Variants in INSRR observed in about 807,000 individuals in gnomAD.
INSRR encodes insulin receptor-related protein.
Under a neutral mutation model 130.0 loss-of-function variants are expected in INSRR, and 114 were observed. That is an observed-to-expected ratio of 0.88 (90% CI 0.75 to 1.02). INSRR has a LOEUF of 1.02. Among genes scored for constraint, INSRR ranks in the 50% least tolerant of loss-of-function variants. INSRR has a pLI of 0.00. For missense variants in INSRR, 1,657 were observed against 1,735.2 expected (o/e 0.95, Z 0.80); for synonymous variants, 674 against 705.2 (o/e 0.96, Z 0.70).
chr1:156,846,719 G>T lies in INSRR; in HGVS notation c.1610C>A (p.Ala537Asp). 9 of 1,614,084 alleles carry T rather than the reference G, an allele frequency of 5.6e-6. No individual in the cohort carries two copies. Among genetic ancestry groups the T allele is most frequent in the Non-Finnish European group, 7.6e-6 (9 of 1,179,994 alleles). Residue 537 changes from alanine (A) to aspartate (D), a missense_variant, in exon 8 of 22, where the codon GCT becomes GAT. By Grantham distance (126) the Ala-to-Asp change is moderately radical (BLOSUM62 -2). Coordinates refer to ENST00000368195, the MANE Select transcript of INSRR (RefSeq NM_014215.3). ...QNATEHVGPD[A>D]CGTQSWNLLD... ...CAGGTTCCAGCTCTGGGTTCCACAAGCATCTGGACCCACGTGCTCTGTGGC... is the reference window on the plus strand; with the variant it reads ...CAGGTTCCAGCTCTGGGTTCCACAATCATCTGGACCCACGTGCTCTGTGGC...
intron 5 of INSRR, 95 bp downstream of exon 5, chr1:156,851,195 A>C (rs1212957364): frequency 3.5e-6 from 5 of 1,447,450 alleles, no homozygotes; most frequent in Non-Finnish European, 4.9e-6. Context: ...GTGAGTAGCA[A>C]AATTGGTTCC....
intron 5 of INSRR, 26 bp downstream of exon 5, chr1:156,851,264 G>T (rs779124058): frequency 2.5e-6 from 4 of 1,613,666 alleles, no homozygotes; most frequent in Admixed American, 3.3e-5. Context: ...GTAATAGAAG[G>T]AGCTGGTCAG....
In INSRR at chr1:156,841,758, T is replaced by A; in HGVS notation, c.3434A>T (p.Tyr1145Phe). 1 of 1,614,076 alleles carries A rather than the reference T, an allele frequency of 6.2e-7. No individual in the cohort carries two copies. The highest frequency in any genetic ancestry group is 8.5e-7 in the Non-Finnish European group (1 of 1,179,982). ...GMTRDVYETD[Y>F]YRKGGKGLLP... The stretch of plus-strand genomic sequence containing the variant: ...CAGCCCCTTCCCACCCTTGCGGTAA[T>A]AGTCTGTCTCATACACGTCCCGAGT... The change falls in exon 20 of 22, where the codon TAT becomes TTT. Residue 1145 changes from tyrosine (Y) to phenylalanine (F), a missense_variant. Tyr to Phe is a conservative substitution (Grantham distance 22). Coordinates refer to ENST00000368195, the MANE Select transcript of INSRR (RefSeq NM_014215.3).
At chr1:156,849,485 TC>T (rs1216343407) in intron 5 of INSRR, 25 bp from the exon 6 acceptor site, 1 of 1,033,922 alleles carries the variant, frequency 9.7e-7, no homozygotes, top group Admixed American at 1.9e-5. Context: ...GGGACCTTGC[TC>T]TGCGGGGAGG....
At chr1:156,841,191 G>T in intron 21 of INSRR, 87 bp from the exon 22 acceptor site, 1 of 1,090,236 alleles carries the variant, frequency 9.2e-7, no homozygotes, top group Non-Finnish European at 1.4e-6. Flanking sequence ...GTTGGTGGGA[G>T]TGGGGATCGT....
At position 156,844,701 on chromosome 1, in the gene INSRR, A is replaced by G. The variant is rs759716642; in HGVS notation, c.2574+6T>C. 6.2e-7 allele frequency: 1 copy of G among 1,614,018 alleles called. No individual in the cohort carries two copies. The highest frequency in any genetic ancestry group is 1.7e-5 in the Admixed American group (1 of 60,016). On this transcript the variant is annotated splice_donor_region_variant and intron_variant, in intron 13 of 21. Transcript: ENST00000368195. Reference sequence around the variant, plus strand: ...GGGCTGGGACGGGGGTCCCACGGGCACCTACCTCTCCCAAGCGGCGGTACT... The same window carrying G: ...GGGCTGGGACGGGGGTCCCACGGGCGCCTACCTCTCCCAAGCGGCGGTACT...
rs751415412 is a variant in INSRR at position 156,851,327 on chromosome 1, T to C, written c.1192A>G (p.Asn398Asp). The part of the protein sequence containing the change: ...FALVSLGFFK[N>D]LKLIRGDAMV... ...GCGTCTCCCCGGATTAGTTTGAGGT[T>C]CTTGAAAAAGCCCAGGGACACGAGG... Residue 398 changes from asparagine to aspartate, a missense_variant, in exon 5 of 22, where the codon AAC becomes GAC. By Grantham distance (23) the Asn-to-Asp change is conservative (BLOSUM62 1). Coordinates refer to ENST00000368195, the MANE Select transcript of INSRR (RefSeq NM_014215.3). 2 of 1,614,206 alleles carry C rather than the reference T, an allele frequency of 1.2e-6. No individual in the cohort carries two copies. The highest frequency in any genetic ancestry group is 1.1e-5 in the South Asian group (1 of 91,066).
chr1:156,845,887 C>T (rs1010722519), intron 9 of INSRR, 65 bp downstream of exon 9: 34 of 1,597,296 alleles, frequency 2.1e-5, no homozygotes, highest in Admixed American at 5.2e-5. Context: ...CCTGCCGGGG[C>T]CCTGCGCCTC....
At chr1:156,849,506 GGGGT>G in intron 5 of INSRR, 46 bp from the exon 6 acceptor site, 5 of 1,226,618 alleles carry the variant, frequency 4.1e-6, no homozygotes, top group African/African-American at 1.5e-5. Context: ...GTGGGGGCAG[GGGGT>G]GGGAAAGGGG....
In INSRR at chr1:156,845,733, C is replaced by T; in HGVS notation, c.2060G>A (p.Cys687Tyr). Residue 687 changes from cysteine to tyrosine, a missense_variant, in exon 10 of 22, where the codon TGC (cysteine) becomes TAC (tyrosine). Transcript: ENST00000368195. ...AGGAGGTGGGTGCTGGCAAGGGCAG[C>T]AGTCGGACTCCATCTCGGCCTCAGG... ...GDPEAEMESD[C>Y]CPCQHPPPGQ... 1.2e-6 allele frequency: 2 copies of T among 1,613,742 alleles called. No homozygotes were observed. Among genetic ancestry groups the T allele is most frequent in the Non-Finnish European group, 1.7e-6 (2 of 1,179,938 alleles).
intron 5 of INSRR, 90 bp from the exon 6 acceptor site, chr1:156,849,550 T>G: frequency 4.1e-6 from 4 of 985,956 alleles, no homozygotes; most frequent in East Asian, 2.6e-5. Context: ...TGGAAGGGTT[T>G]TGCTGGGCCC....
intron 15 of INSRR, 64 bp downstream of exon 15, chr1:156,844,111 G>A (rs2102856098): frequency 1.6e-6 from 2 of 1,223,622 alleles, no homozygotes; most frequent in East Asian, 2.3e-5. Context: ...ACCTCCCTTT[G>A]ACAGACTTTA....
Position 156,843,230 on chromosome 1 carries a change from T to C in INSRR, c.2900A>G (p.Tyr967Cys). 1.2e-6 allele frequency: 2 copies of C among 1,613,928 alleles called. No individual in the cohort carries two copies. The highest frequency in any genetic ancestry group is 1.7e-6 in the Non-Finnish European group (2 of 1,179,854). The part of the protein sequence containing the change: ...NPEYFSASDM[Y>C]VPDEWEVPRE... ...AGGCACCTCCCATTCATCAGGGACA[T>C]ACACTGCAAGGAGGTGGAGGGTCAC... Residue 967 changes from tyrosine to cysteine, a missense_variant, in exon 17 of 22, where the codon TAT becomes TGT. Physicochemically the swap from Tyr to Cys is radical, Grantham distance 194. Coordinates refer to ENST00000368195, the MANE Select transcript of INSRR (RefSeq NM_014215.3).
chr1:156,845,968 A>G lies in INSRR; in HGVS notation c.1962T>C (p.Asn654=). The G allele has an allele frequency of 6.2e-7, 1 of 1,612,750 alleles. No homozygotes were observed. The highest frequency in any genetic ancestry group is 1.3e-5 in the African/African-American group (1 of 74,966). ...CCTGCGCACCGCGGTGGCAGTAGTC[A>G]TTGAGGTAGAGGTCGCCGTCCTCTG... ...RLAEDGDLYL[N]DYCHRGLRLP... The change falls in exon 9 of 22, where the codon AAT becomes AAC. Residue 654 remains asparagine, a synonymous_variant. Coordinates refer to ENST00000368195, the MANE Select transcript of INSRR (RefSeq NM_014215.3).
Position 156,845,622 on chromosome 1 carries a change from G to A in INSRR, c.2171C>T (p.Pro724Leu), listed in dbSNP as rs758968003. 1.5e-5 allele frequency: 24 copies of A among 1,606,238 alleles called. 1 individual carries two copies. In the South Asian group the frequency reaches 2.5e-4, roughly 17 times the overall value. ...ENFLHNAITI[P>L]ISPWKVTSIN... The stretch of plus-strand genomic sequence containing the variant: ...AGGCCGCGCGCGCTCTTCGCACATG[G>A]GGATGGTGATCGCGTTGTGTAGAAA... Residue 724 changes from proline to leucine, a missense_variant, in exon 10 of 22, where the codon CCC becomes CTC. Physicochemically the swap from Pro to Leu is moderately conservative, Grantham distance 98. Coordinates refer to ENST00000368195, the MANE Select transcript of INSRR (RefSeq NM_014215.3).
rs1314258343 is a variant in INSRR, at chr1:156,845,162, C to A, written c.2351G>T (p.Arg784Leu). 1.7e-5 allele frequency: 27 copies of A among 1,611,362 alleles called. No individual in the cohort carries two copies. The highest frequency in any genetic ancestry group is 2.3e-5 in the Non-Finnish European group (27 of 1,179,204). The change falls in exon 12 of 22, where the codon CGG becomes CTG. Residue 784 changes from arginine (R) to leucine (L), a missense_variant. Transcript: ENST00000368195. ...GTGGTTGCAGGCATGGATGTCGATC[C>A]GGTATTCCGTGAAGTGGCGCAGGCC... is the stretch of plus-strand genomic sequence containing the variant. ...LSGLRHFTEYRIDIHACNHAA... is the reference protein window; with the variant it reads ...LSGLRHFTEYLIDIHACNHAA...
chr1:156,855,914 T>A (rs1655392298), intron 1 of INSRR, among the ~76,000 whole-genome samples: 1 of 150,936 alleles, frequency 6.6e-6, no homozygotes, highest in Admixed American at 6.6e-5. Context: ...CACTGACTAA[T>A]GTGCGTGTGT....
chr1:156,851,541 C>A, intron 4 of INSRR, 105 bp downstream of exon 4: 1 of 1,605,500 alleles, frequency 6.2e-7, no homozygotes, highest in African/African-American at 1.3e-5. Flanking sequence ...AGGACTGGGA[C>A]CCAGGATGAT....
rs1654916807 is a variant in INSRR, at chr1:156,844,515, A to G, written c.2684T>C (p.Leu895Pro). The G allele has an allele frequency of 1.2e-6, 2 of 1,614,062 alleles. No homozygotes were observed. The highest frequency in any genetic ancestry group is 2.7e-5 in the African/African-American group (2 of 74,930). The part of the protein sequence containing the change: ...NYSARVRATS[L>P]AGNGSWTDSV... ...GTCTGTCCAAGAGCCATTGCCAGCCAGTGAGGTTGCCCTAACCCTGGCAGA... is the reference window on the plus strand; with the variant it reads ...GTCTGTCCAAGAGCCATTGCCAGCCGGTGAGGTTGCCCTAACCCTGGCAGA... The change falls in exon 14 of 22, where the codon CTG becomes CCG. Residue 895 changes from leucine to proline, a missense_variant. Coordinates refer to ENST00000368195, the MANE Select transcript of INSRR (RefSeq NM_014215.3).
Sources: gnomAD v4.1 joint callset for allele counts (sites outside exome capture counted in the v4.1 genomes callset) on GRCh38, gnomAD v4.1.1 for gene constraint, MANE v1.5 for transcripts, NCBI Gene and HGNC (gene_info 2026-07-23, HGNC 2026-07-21) for gene names.